The following ROBO2 variants were observed in gnomAD, a reference collection of about 807,000 sequenced individuals.
ROBO2 encodes the protein roundabout guidance receptor 2.
In ROBO2, 53 loss-of-function variants were observed where a neutral mutation model predicts 160.8. The ratio of observed to expected loss-of-function variants is 0.33; its 90% confidence interval spans 0.26 to 0.41. The LOEUF (loss-of-function observed/expected upper bound fraction) is 0.41. Ranked by LOEUF, ROBO2 falls within the 10% of genes least tolerant of loss-of-function variation. The pLI, the probability that ROBO2 is intolerant of heterozygous loss-of-function variation, is 1.00. For missense variants in ROBO2, 1,577 were observed against 1,722.4 expected (o/e 0.92, Z 1.49); for synonymous variants, 664 against 611.7 (o/e 1.09, Z -1.26).
At position 75,980,113 on chromosome 3, in the gene ROBO2, T is replaced by C. The variant is rs113687404; in HGVS notation, c.109+42511T>C. On this transcript the variant is annotated intron_variant, in intron 2 of 26. Transcript: ENST00000487694. ...GCAATACCAGTTGAAGTGCTCACTT[T>C]CCAAATTTCCAGACGATACAGGGCA... Among the ~76,000 whole-genome samples the C allele has an allele frequency of 7.2e-3, 1,093 of 151,710 alleles. 5 individuals are homozygous for C. Among genetic ancestry groups the C allele is most frequent in the Middle Eastern group, 0.017 (5 of 294 alleles).
At chr3:76,703,643 T>C (rs2093093553) in intron 2 of ROBO2, among the ~76,000 whole-genome samples, 1 of 152,124 alleles carries the variant, frequency 6.6e-6, no homozygotes, top group South Asian at 2.1e-4. Context: ...GTTAGTTTGC[T>C]GAGAATGATG....
At chr3:77,332,970 G>A (rs1305970792) in intron 2 of ROBO2, among the ~76,000 whole-genome samples, 1 of 152,182 alleles carries the variant, frequency 6.6e-6, no homozygotes. Context: ...AGCAGAAAAT[G>A]TGTCTGTGAT....
chr3:76,269,990 GT>G (rs1228653700), intron 2 of ROBO2, among the ~76,000 whole-genome samples: 1 of 151,982 alleles, frequency 6.6e-6, no homozygotes, highest in Non-Finnish European at 1.5e-5. Context: ...GCAAGGAATT[GT>G]TTATAGTACA....
intron 2 of ROBO2, among the ~76,000 whole-genome samples, chr3:77,026,406 C>G (rs1051098806): frequency 5.9e-5 from 9 of 152,192 alleles, no homozygotes; most frequent in African/African-American, 2.2e-4. Context: ...CAGAGAACAG[C>G]TGCTAACAAT....
At chr3:77,405,844 C>A (rs1003242532) in intron 2 of ROBO2, among the ~76,000 whole-genome samples, 3 of 152,086 alleles carry the variant, frequency 2.0e-5, no homozygotes, top group Non-Finnish European at 4.4e-5. Flanking sequence ...AAATTCAATG[C>A]AGAAAATATT....
chr3:76,422,974 G>A lies in ROBO2; in HGVS notation c.109+485372G>A, dbSNP rs180854024. Among the ~76,000 whole-genome samples the A allele has an allele frequency of 4.5e-3, 692 of 152,244 alleles. 18 individuals carry two copies. Among genetic ancestry groups the A allele is most frequent in the Admixed American group, 0.042 (647 of 15,290 alleles). ...TGAAAAGGGGAGGATAAACTCGGTAGGATACCTAAAGATGTAGGCGGAGGT... is the reference window on the plus strand; with the variant it reads ...TGAAAAGGGGAGGATAAACTCGGTAAGATACCTAAAGATGTAGGCGGAGGT... On this transcript the variant is annotated intron_variant, in intron 2 of 26. Transcript: ENST00000487694.
intron 2 of ROBO2, among the ~76,000 whole-genome samples, chr3:77,346,895 T>C (rs148359783): frequency 3.3e-4 from 51 of 152,330 alleles, no homozygotes; most frequent in African/African-American, 1.2e-3. Context: ...TTCTCTCTTC[T>C]TAAGGGCCCA....
intron 2 of ROBO2, among the ~76,000 whole-genome samples, chr3:76,551,848 G>A (rs1393026134): frequency 6.6e-6 from 1 of 152,134 alleles, no homozygotes; most frequent in African/African-American, 2.4e-5. Context: ...AGTATGCCTG[G>A]CTGTGTGCAG....
chr3:75,998,049 T>A (rs897980093), intron 2 of ROBO2, among the ~76,000 whole-genome samples: 1 of 152,200 alleles, frequency 6.6e-6, no homozygotes, highest in Non-Finnish European at 1.5e-5. Flanking sequence ...GGGAGAAAGA[T>A]CTCTAAACTA....
At chr3:76,281,545 C>T (rs1708232735) in intron 2 of ROBO2, among the ~76,000 whole-genome samples, 2 of 151,796 alleles carry the variant, frequency 1.3e-5, no homozygotes, top group African/African-American at 4.8e-5. Flanking sequence ...ACCACTATAG[C>T]CAGGGTAAGG....
At chr3:76,408,207 T>C (rs2075311265) in intron 2 of ROBO2, among the ~76,000 whole-genome samples, 1 of 152,112 alleles carries the variant, frequency 6.6e-6, no homozygotes. Context: ...CAGACATTGA[T>C]GCCAATCTCC....
In ROBO2 at chr3:76,709,129, TA is replaced by T. The variant is rs567985583; in HGVS notation, c.110-388884del. ...GTACCTTGATGAAGATATCCAATAG[TA>T]CCATGAAAAGGTTGGCATTAAACAG... On this transcript the variant is annotated intron_variant, in intron 2 of 26. Transcript: ENST00000487694. Among the ~76,000 whole-genome samples, 4 of 152,324 alleles carry T rather than the reference TA, an allele frequency of 2.6e-5. No individual in the cohort carries two copies. In the East Asian group the frequency reaches 7.7e-4, roughly 29 times the overall value.
chr3:77,295,697 G>T (rs1228134818), intron 2 of ROBO2, among the ~76,000 whole-genome samples: 1 of 148,820 alleles, frequency 6.7e-6, no homozygotes, highest in Non-Finnish European at 1.5e-5. Flanking sequence ...GGGAAGTTGA[G>T]GCTAGATCAC....
In ROBO2 at chr3:76,749,299, A is replaced by G. The variant is rs2093942113; in HGVS notation, c.110-348715A>G. Among the ~76,000 whole-genome samples, 4 of 151,964 alleles carry G rather than the reference A, an allele frequency of 2.6e-5. No homozygotes were observed. The South Asian group carries it at 8.3e-4, about 31-fold the overall frequency. On this transcript the variant is annotated intron_variant, in intron 2 of 26. Coordinates refer to the ROBO2 transcript ENST00000487694. ...TCAAATATATATGTATACCACTACAATACAATTGTACCTTAAAGTCATCTC... is the reference window on the plus strand; with the variant it reads ...TCAAATATATATGTATACCACTACAGTACAATTGTACCTTAAAGTCATCTC...
intron 1 of ROBO2, among the ~76,000 whole-genome samples, chr3:77,067,593 C>T (rs935678480): frequency 2.0e-5 from 3 of 152,094 alleles, no homozygotes; most frequent in African/African-American, 7.2e-5. Context: ...AGCAAGGTAA[C>T]ATGTGAAAAT....
intron 2 of ROBO2, among the ~76,000 whole-genome samples, chr3:76,848,203 G>T (rs2068962381): frequency 6.6e-6 from 1 of 152,158 alleles, no homozygotes; most frequent in South Asian, 2.1e-4. Flanking sequence ...TTGCATAGGT[G>T]AAGTACTTCT....
At chr3:77,496,031 G>T (rs764749006) in intron 5 of ROBO2, among the ~76,000 whole-genome samples, 1 of 152,100 alleles carries the variant, frequency 6.6e-6, no homozygotes, top group Non-Finnish European at 1.5e-5. Flanking sequence ...TCAAACAACA[G>T]CATTAAAGCT....
intron 2 of ROBO2, among the ~76,000 whole-genome samples, chr3:76,357,836 ATAGAT>A (rs1459829241): frequency 6.6e-6 from 1 of 151,338 alleles, no homozygotes; most frequent in African/African-American, 2.4e-5. Context: ...ACAATTTTGA[ATAGAT>A]TAGAAACATC....
chr3:76,054,454 T>C (rs1262728776), intron 2 of ROBO2, among the ~76,000 whole-genome samples: 2 of 152,182 alleles, frequency 1.3e-5, no homozygotes, highest in Non-Finnish European at 2.9e-5. Flanking sequence ...AAGTTAACTA[T>C]ACCCCTGTTG....
Sources: allele counts gnomAD v4.1 joint callset (sites outside exome capture counted in the v4.1 genomes callset), GRCh38; gene constraint gnomAD v4.1.1; transcripts MANE v1.5; gene names NCBI Gene and HGNC (gene_info 2026-07-23, HGNC 2026-07-21).